AUTS2: variants seen among roughly 807,000 people sequenced by gnomAD.
The protein encoded by AUTS2 is activator of transcription and developmental regulator AUTS2.
Under a neutral mutation model 112.4 loss-of-function variants are expected in AUTS2, and 17 were observed. The ratio of observed to expected loss-of-function variants is 0.15; its 90% CI spans 0.10 to 0.23. The LOEUF (loss-of-function observed/expected upper bound fraction) is 0.23, where lower values mean the gene tolerates loss of function less well. AUTS2 is among the 10% of genes least tolerant of loss of function. AUTS2 has a pLI of 1.00. For missense variants in AUTS2, 1,510 were observed against 1,701.6 expected (o/e 0.89, Z 1.98); for synonymous variants, 751 against 702.7 (o/e 1.07, Z -1.09).
chr7:70,577,436 C>G (rs1802217796), intron 5 of AUTS2, among the ~76,000 whole-genome samples: 1 of 152,212 alleles, frequency 6.6e-6, no homozygotes, highest in Non-Finnish European at 1.5e-5. Flanking sequence ...TAAAGGTACC[C>G]TAAATCCTTT....
At chr7:69,727,647 A>G (rs564544488) in intron 1 of AUTS2, among the ~76,000 whole-genome samples, 1 of 152,298 alleles carries the variant, frequency 6.6e-6, no homozygotes, top group East Asian at 1.9e-4. Context: ...ATTTCTGTTT[A>G]GGTCTATTTC....
intron 4 of AUTS2, among the ~76,000 whole-genome samples, chr7:70,179,507 C>A (rs1028416179): frequency 6.6e-6 from 1 of 152,216 alleles, no homozygotes; most frequent in African/African-American, 2.4e-5. Flanking sequence ...AAAGCCATGT[C>A]TGACTTCTGT....
chr7:69,864,892 A>C (rs1307530475), intron 1 of AUTS2, among the ~76,000 whole-genome samples: 1 of 152,178 alleles, frequency 6.6e-6, no homozygotes, highest in African/African-American at 2.4e-5. Context: ...GTAGTGAGAA[A>C]GGGAAAAAAT....
chr7:70,221,895 T>A (rs1407756326), intron 4 of AUTS2, among the ~76,000 whole-genome samples: 2 of 152,040 alleles, frequency 1.3e-5, no homozygotes, highest in Admixed American at 6.6e-5. Flanking sequence ...CTCAAAAAAA[T>A]AATAATAAAT....
chr7:69,712,517 A>G (rs1021207590), intron 1 of AUTS2, among the ~76,000 whole-genome samples: 2 of 152,172 alleles, frequency 1.3e-5, no homozygotes, highest in South Asian at 2.1e-4. Context: ...TTCACTTAGC[A>G]TAATTAAGAT....
intron 1 of AUTS2, among the ~76,000 whole-genome samples, chr7:69,865,399 G>T (rs115516358): frequency 6.6e-6 from 1 of 152,228 alleles, no homozygotes; most frequent in African/African-American, 2.4e-5. Flanking sequence ...TCTCTGTGCT[G>T]TCCAGAATTT....
intron 5 of AUTS2, among the ~76,000 whole-genome samples, chr7:70,542,831 G>T (rs564274826): frequency 1.8e-4 from 27 of 152,292 alleles, no homozygotes; most frequent in African/African-American, 6.5e-4. Flanking sequence ...GCTGACTTCA[G>T]ATTTCTTTTC....
intron 4 of AUTS2, among the ~76,000 whole-genome samples, chr7:70,138,276 A>G (rs1413582556): frequency 6.6e-6 from 1 of 152,256 alleles, no homozygotes; most frequent in Non-Finnish European, 1.5e-5. Context: ...ACAGTAACTG[A>G]AATCAGTAGA....
chr7:70,334,961 G>A (rs947484058), intron 4 of AUTS2, among the ~76,000 whole-genome samples: 1 of 152,056 alleles, frequency 6.6e-6, no homozygotes, highest in African/African-American at 2.4e-5. Context: ...CTAGCTCCTG[G>A]GCCAAGGTTC....
chr7:70,448,514 G>A (rs550087641), intron 5 of AUTS2, among the ~76,000 whole-genome samples: 1 of 152,090 alleles, frequency 6.6e-6, no homozygotes, highest in African/African-American at 2.4e-5. Context: ...TAGGTCCAGG[G>A]GATTGACCTT....
chr7:70,555,436 G>T (rs919479073), intron 5 of AUTS2, among the ~76,000 whole-genome samples: 8 of 152,208 alleles, frequency 5.3e-5, no homozygotes, highest in African/African-American at 1.9e-4. Flanking sequence ...TGAGCACATT[G>T]TGTGATTACC....
intron 4 of AUTS2, among the ~76,000 whole-genome samples, chr7:70,164,119 A>T (rs1808256918): frequency 6.6e-6 from 1 of 152,200 alleles, no homozygotes; most frequent in African/African-American, 2.4e-5. Context: ...GCAAAAAATA[A>T]AATAAACTTT....
rs1471159706 is a variant in AUTS2 at position 70,198,544 on chromosome 7, G to A, written c.660+63973G>A. Among the ~76,000 whole-genome samples the A allele has an allele frequency of 9.7e-5, 13 of 133,342 alleles. 1 individual carries two copies. Among genetic ancestry groups the A allele is most frequent in the Admixed American group, 2.4e-4 (3 of 12,730 alleles). 87.5% of individuals were successfully genotyped at this position (133,342 alleles called of 152,430 possible). A position where few individuals can be genotyped will look rare whatever the true frequency, so the allele number is the denominator to read the frequency against. ...AAGGCTCGAGAACTAAGTGAAGAATGCAGAAGCCTCAGGAGCCGATGCGAT... is the reference window on the plus strand; with the variant it reads ...AAGGCTCGAGAACTAAGTGAAGAATACAGAAGCCTCAGGAGCCGATGCGAT... On this transcript the variant is annotated intron_variant, in intron 4 of 18. Coordinates refer to ENST00000342771, the MANE Select transcript of AUTS2 (RefSeq NM_015570.4).
In AUTS2 at chr7:70,153,455, A is replaced by G. The variant is rs550442282; in HGVS notation, c.660+18884A>G. ...TGGGAGGGAGGCATTACCAAGGGGCAGGAGTAAACTTTTGTAGGTGATGGG... is the reference window on the plus strand; with the variant it reads ...TGGGAGGGAGGCATTACCAAGGGGCGGGAGTAAACTTTTGTAGGTGATGGG... On this transcript the variant is annotated intron_variant, in intron 4 of 18. Coordinates refer to ENST00000342771, the MANE Select transcript of AUTS2 (RefSeq NM_015570.4). 2.3e-3 allele frequency among the ~76,000 whole-genome samples: 354 copies of G among 152,334 alleles called. 1 individual carries two copies. The highest frequency in any genetic ancestry group is 8.0e-3 in the African/African-American group (331 of 41,576).
intron 5 of AUTS2, among the ~76,000 whole-genome samples, chr7:70,496,581 G>A (rs1206307786): frequency 5.1e-5 from 5 of 98,880 alleles, no homozygotes; most frequent in Admixed American, 1.3e-4. Flanking sequence ...ACATGCACAC[G>A]TCACATCAGC....
chr7:69,666,532 G>A (rs1339348386), intron 1 of AUTS2, among the ~76,000 whole-genome samples: 5 of 152,174 alleles, frequency 3.3e-5, no homozygotes, highest in African/African-American at 1.2e-4. Context: ...TGATATGTCT[G>A]TATTGGAAAA....
intron 1 of AUTS2, 89 bp from the exon 2 acceptor site, chr7:69,899,197 A>T: frequency 3.1e-6 from 3 of 955,476 alleles, no homozygotes; most frequent in Non-Finnish European, 5.0e-6. Context: ...CTTAGTAGTA[A>T]CACCCTTTAG....
At chr7:70,230,649 A>G (rs1473001381) in intron 4 of AUTS2, among the ~76,000 whole-genome samples, 2 of 152,216 alleles carry the variant, frequency 1.3e-5, no homozygotes, top group Non-Finnish European at 2.9e-5. Context: ...CTCTCTGAGC[A>G]AGTGTGCAGC....
intron 1 of AUTS2, among the ~76,000 whole-genome samples, chr7:69,663,884 T>A (rs757856371): frequency 7.2e-5 from 11 of 152,252 alleles, no homozygotes; most frequent in Non-Finnish European, 1.5e-4. Context: ...TCTGTGCTTA[T>A]TTTGGCAAAC....
Sources: gnomAD v4.1 joint callset for allele counts (sites outside exome capture counted in the v4.1 genomes callset) on GRCh38, gnomAD v4.1.1 for gene constraint, MANE v1.5 for transcripts, NCBI Gene and HGNC (gene_info 2026-07-23, HGNC 2026-07-21) for gene names.